The following UPF2 variants were observed in gnomAD, a reference collection of about 807,000 sequenced individuals.
The protein encoded by UPF2 is UPF2 regulator of nonsense mediated mRNA decay, also known as regulator of nonsense transcripts 2.
UPF2 carries 17 observed loss-of-function variants against 141.4 expected under a neutral mutation model. The observed-to-expected ratio is 0.12, with a 90% CI of 0.08 to 0.18. UPF2 has a LOEUF of 0.18. Among genes scored for constraint, UPF2 ranks in the 10% least tolerant of loss-of-function variants. The probability of loss-of-function intolerance (pLI) is 1.00; values close to 1 mark genes in which losing one functional copy is unlikely to be tolerated. For synonymous variants in UPF2, 540 were observed against 498.0 expected (o/e 1.08, Z -1.12); for missense variants, 1,152 against 1,515.9 (o/e 0.76, Z 3.99).
chr10:11,938,842 G>GTTTTGTTTTTT (rs1832886963), intron 18 of UPF2, among the ~76,000 whole-genome samples: 1 of 45,862 alleles, frequency 2.2e-5, no homozygotes, highest in African/African-American at 7.0e-5. Context: ...TCTTAAGCAA[G>GTTTTGTTTTTT]TTTTTTTTTT....
At chr10:12,024,931 C>CAAAA (rs61678431) in intron 3 of UPF2, among the ~76,000 whole-genome samples, 2,327 of 53,478 alleles carry the variant, frequency 0.044, 708 homozygotes, top group Middle Eastern at 0.11. Context: ...GACCCTGTTA[C>CAAAA]AAAAAAAAAA....
rs190488907 is a variant in UPF2 at position 11,932,074 on chromosome 10, A to G, written c.3547-292T>C. On this transcript the variant is annotated intron_variant, in intron 19 of 21. Coordinates refer to ENST00000357604, the MANE Select transcript of UPF2 (RefSeq NM_015542.4). ...TGAGGCAGGAGAACTGCTTGAACCC[A>G]GGAAGCGGAGGTTGCAGTGAGCCGA... is the stretch of plus-strand genomic sequence containing the variant. Among the ~76,000 whole-genome samples, 249 of 152,112 alleles carry G rather than the reference A, an allele frequency of 1.6e-3. 1 individual carries two copies. The highest frequency in any genetic ancestry group is 5.6e-3 in the African/African-American group (231 of 41,520).
chr10:11,938,642 A>AC (rs1832883371), intron 18 of UPF2, among the ~76,000 whole-genome samples: 1 of 147,148 alleles, frequency 6.8e-6, no homozygotes, highest in Non-Finnish European at 1.5e-5. Flanking sequence ...CTTTCACACA[A>AC]TAAAAAAAAA....
At position 11,936,388 on chromosome 10, in the gene UPF2, A is replaced by G. The variant is rs1832850643; in HGVS notation, c.3546+157T>C. ...TCAAAAAAAACAAAAACAAAAACAA[A>G]AACAAAAACAAAAAAAACTATATAA... On this transcript the variant is annotated intron_variant, in intron 19 of 21. Coordinates refer to ENST00000357604, the MANE Select transcript of UPF2 (RefSeq NM_015542.4). The surrounding 1 kb of genome is among the most constrained non-coding windows in gnomAD (Gnocchi z 6.6). 1.3e-5 allele frequency among the ~76,000 whole-genome samples: 2 copies of G among 151,912 alleles called. No homozygotes were observed. The highest frequency in any genetic ancestry group is 3.9e-4 in the East Asian group (2 of 5,192).
intron 14 of UPF2, among the ~76,000 whole-genome samples, chr10:11,954,856 C>T (rs1001658418): frequency 6.8e-6 from 1 of 148,064 alleles, no homozygotes; most frequent in African/African-American, 2.5e-5. Context: ...GAGATGTAAA[C>T]CAGAATATAC....
At chr10:11,984,123 A>G (rs2131236646) in intron 8 of UPF2, among the ~76,000 whole-genome samples, 1 of 151,900 alleles carries the variant, frequency 6.6e-6, no homozygotes, top group African/African-American at 2.4e-5. Flanking sequence ...GGGTTTCTCC[A>G]TGTTGGTCAG....
intron 9 of UPF2, among the ~76,000 whole-genome samples, chr10:11,976,118 T>G (rs960055679): frequency 6.6e-6 from 1 of 152,342 alleles, no homozygotes; most frequent in Non-Finnish European, 1.5e-5. Flanking sequence ...TTTCTAATCG[T>G]CAGTGAAATT....
intron 3 of UPF2, among the ~76,000 whole-genome samples, chr10:12,022,267 C>T (rs1318899907): frequency 2.6e-5 from 4 of 151,202 alleles, no homozygotes; most frequent in African/African-American, 9.7e-5. Flanking sequence ...AAAAAATTAG[C>T]CAGGCGTGGC....
At chr10:11,967,599 G>A (rs931772532) in intron 9 of UPF2, 145 bp from the exon 10 acceptor site, 1 of 515,458 alleles carries the variant, frequency 1.9e-6, no homozygotes, top group Non-Finnish European at 3.2e-6. Context: ...ACCCAGGCTG[G>A]AGTGCAACGG....
At chr10:11,967,783 G>A (rs1833346957) in intron 9 of UPF2, among the ~76,000 whole-genome samples, 1 of 152,054 alleles carries the variant, frequency 6.6e-6, no homozygotes, top group Non-Finnish European at 1.5e-5. Context: ...CCCAACTTCT[G>A]ACCTCAGGTA....
intron 9 of UPF2, among the ~76,000 whole-genome samples, chr10:11,969,404 C>T (rs981471377): frequency 6.6e-6 from 1 of 151,816 alleles, no homozygotes; most frequent in Non-Finnish European, 1.5e-5. Context: ...CTCCTGACCT[C>T]GTGATCCACC....
chr10:11,959,430 C>A lies in UPF2; in HGVS notation c.2185-74G>T. ...CTTTACTCCTAACTAAACTTCTATT[C>A]TCAGTGATTTGCTATTTCAAAGTAA... On this transcript the variant is annotated intron_variant, in intron 11 of 21. Transcript: ENST00000357604. The surrounding 1 kb of genome is among the most constrained non-coding windows in gnomAD (Gnocchi z 5.9). 7.0e-7 allele frequency: 1 copy of A among 1,438,240 alleles called. No individual in the cohort carries two copies. The highest frequency in any genetic ancestry group is 9.2e-7 in the Non-Finnish European group (1 of 1,083,246). 89.1% of individuals were successfully genotyped at this position (1,438,240 alleles called of 1,614,324 possible).
chr10:11,942,483 GC>G (rs1832948758), intron 18 of UPF2, among the ~76,000 whole-genome samples, 181 bp downstream of exon 18: 1 of 152,184 alleles, frequency 6.6e-6, no homozygotes, highest in Non-Finnish European at 1.5e-5. Flanking sequence ...TCTACCTCAT[GC>G]AAATCAGGAT....
chr10:12,041,736 G>A (rs1834737600), intron 1 of UPF2, among the ~76,000 whole-genome samples: 2 of 152,144 alleles, frequency 1.3e-5, no homozygotes, highest in Non-Finnish European at 2.9e-5. Flanking sequence ...AACATCCTTA[G>A]TATAAAGGAC....
chr10:12,013,980 T>G (rs781556380), intron 4 of UPF2, 44 bp downstream of exon 4: 1 of 1,439,098 alleles, frequency 6.9e-7, no homozygotes, highest in South Asian at 1.6e-5. Context: ...TAAGTGACAG[T>G]GCTTACAGAA....
At chr10:12,011,899 C>T (rs1024657871) in intron 4 of UPF2, among the ~76,000 whole-genome samples, 20 of 151,326 alleles carry the variant, frequency 1.3e-4, no homozygotes, top group African/African-American at 4.9e-4. Context: ...GAGCCGAGAT[C>T]GCGCCTTTGC....
At chr10:11,971,650 A>C (rs1833420232) in intron 9 of UPF2, among the ~76,000 whole-genome samples, 1 of 152,218 alleles carries the variant, frequency 6.6e-6, no homozygotes, top group African/African-American at 2.4e-5. Flanking sequence ...TAGCTCAATA[A>C]TGCCTCTTGT....
rs1338493455 is a variant in UPF2 at position 12,035,097 on chromosome 10, G to A, written c.327C>T (p.Ala109=). 1 of 1,584,118 alleles carries A rather than the reference G, an allele frequency of 6.3e-7. No homozygotes were observed. The highest frequency in any genetic ancestry group is 2.0e-5 in the Admixed American group (1 of 51,188). Reference sequence around the variant, plus strand: ...CTGCTTCTTCTTCTTGCTGACGTTTGGCCTGCTCTTCTTGCTTCTTTCTCT... The same window carrying A: ...CTGCTTCTTCTTCTTGCTGACGTTTAGCCTGCTCTTCTTGCTTCTTTCTCT... ...EEERKKQEEQ[A]KRQQEEEAAA... is the part of the protein sequence containing the mutation. Residue 109 remains alanine (A), a synonymous_variant, in exon 2 of 22, where the codon GCC becomes GCT. Transcript: ENST00000357604.
At chr10:11,995,567 G>A (rs1380784200) in intron 8 of UPF2, among the ~76,000 whole-genome samples, 1 of 152,036 alleles carries the variant, frequency 6.6e-6, no homozygotes, top group Non-Finnish European at 1.5e-5. Flanking sequence ...GGCGGATCAC[G>A]AAGTCAGGAG....
Sources: allele counts gnomAD v4.1 joint callset (sites outside exome capture counted in the v4.1 genomes callset), GRCh38; gene constraint gnomAD v4.1.1; non-coding constraint Gnocchi (gnomAD v3.1); transcripts MANE v1.5; gene names NCBI Gene and HGNC (gene_info 2026-07-23, HGNC 2026-07-21).